The following PRICKLE1 variants were observed in gnomAD, a reference collection of about 807,000 sequenced individuals.
PRICKLE1 encodes prickle-like protein 1.
A neutral mutation model predicts 70.2 loss-of-function variants in PRICKLE1; 14 were observed. The ratio of observed to expected loss-of-function variants is 0.20; its 90% CI spans 0.13 to 0.31. PRICKLE1 has a LOEUF of 0.31. Ranked by LOEUF, PRICKLE1 falls within the 10% of genes least tolerant of loss-of-function variation. PRICKLE1 has a pLI of 1.00. For missense variants in PRICKLE1, 821 were observed against 1,026.2 expected (o/e 0.80, Z 2.73); for synonymous variants, 357 against 379.9 (o/e 0.94, Z 0.70).
At chr12:42,481,594 G>A (rs1938796303) in intron 1 of PRICKLE1, among the ~76,000 whole-genome samples, 1 of 152,162 alleles carries the variant, frequency 6.6e-6, no homozygotes, top group South Asian at 2.1e-4. Flanking sequence ...TGTTAACAAG[G>A]CCTTAGTGCA....
intron 1 of PRICKLE1, among the ~76,000 whole-genome samples, chr12:42,532,238 A>C (rs1276408604): frequency 6.6e-6 from 1 of 152,260 alleles, no homozygotes; most frequent in African/African-American, 2.4e-5. Flanking sequence ...AATCCTAAGG[A>C]AACAATCAGA....
intron 1 of PRICKLE1, among the ~76,000 whole-genome samples, chr12:42,521,541 A>G (rs1939708301): frequency 1.3e-5 from 2 of 151,950 alleles, no homozygotes; most frequent in Admixed American, 1.3e-4. Context: ...CTCTACAAAA[A>G]TTACAAAAAT....
rs1566084587 is a variant in PRICKLE1 at position 42,468,766 on chromosome 12, A to G, written c.448T>C (p.Cys150Arg). The change falls in exon 5 of 8, where the codon TGC becomes CGC. Residue 150 changes from cysteine (C) to arginine (R), a missense_variant. By Grantham distance (180) the Cys-to-Arg change is radical (BLOSUM62 -3). Transcript: ENST00000345127. Reference sequence around the variant, plus strand: ...CAGACAAAACAGGATGGGTGCCAGCACACACCAGGGCCCGCACGGGAGGCG... The same window carrying G: ...CAGACAAAACAGGATGGGTGCCAGCGCACACCAGGGCCCGCACGGGAGGCG... ...VFASRAGPGV[C>R]WHPSCFVCFT... 1.1e-5 allele frequency: 17 copies of G among 1,614,186 alleles called. No individual in the cohort carries two copies. Among genetic ancestry groups the G allele is most frequent in the Non-Finnish European group, 1.4e-5 (17 of 1,180,038 alleles).
At chr12:42,531,872 T>G (rs894775421) in intron 1 of PRICKLE1, among the ~76,000 whole-genome samples, 1 of 152,276 alleles carries the variant, frequency 6.6e-6, no homozygotes, top group African/African-American at 2.4e-5. Context: ...ATTTAAAAAT[T>G]TTTGCCCAGG....
intron 1 of PRICKLE1, among the ~76,000 whole-genome samples, chr12:42,526,757 A>C (rs1321174517): frequency 2.1e-5 from 1 of 48,288 alleles, no homozygotes; most frequent in East Asian, 1.2e-3. Flanking sequence ...CTAAGCCAAA[A>C]AAAAAAAAAA....
At chr12:42,565,729 CT>C (rs995215724) in intron 1 of PRICKLE1, among the ~76,000 whole-genome samples, 1 of 152,170 alleles carries the variant, frequency 6.6e-6, no homozygotes, top group African/African-American at 2.4e-5. Flanking sequence ...TCCCTACCTT[CT>C]TTTTCTCTTT....
At chr12:42,523,649 TA>T (rs1347228501) in intron 1 of PRICKLE1, among the ~76,000 whole-genome samples, 1 of 152,154 alleles carries the variant, frequency 6.6e-6, no homozygotes, top group East Asian at 1.9e-4. Flanking sequence ...ATGGGTGCAT[TA>T]AAGGGTAAAA....
In PRICKLE1 at chr12:42,472,585, A is replaced by C. The variant is rs780833626; in HGVS notation, c.-48-21T>G. ...GGCTGCTGTGAACAATATAAGAAAAAACAAAGACATCTAAAACCTGAATGC... is the reference window on the plus strand; with the variant it reads ...GGCTGCTGTGAACAATATAAGAAAACACAAAGACATCTAAAACCTGAATGC... On this transcript the variant is annotated intron_variant, in intron 1 of 7. Transcript: ENST00000345127. 5 of 1,598,592 alleles carry C rather than the reference A, an allele frequency of 3.1e-6. No homozygotes were observed. The Admixed American group carries it at 8.3e-5, about 27-fold the overall frequency.
rs574558181 is a variant in PRICKLE1 at position 42,464,218 on chromosome 12, G to A, written c.1639+177C>T. The stretch of plus-strand genomic sequence containing the variant: ...GTATTTTTAGTAGAGCCGCGGTTTC[G>A]CCATGTTGCCTGGGCTGGTCTCGAA... On this transcript the variant is annotated intron_variant, in intron 7 of 7. Coordinates refer to ENST00000345127, the MANE Select transcript of PRICKLE1 (RefSeq NM_153026.3). The surrounding 1 kb of genome is among the most constrained non-coding windows in gnomAD (Gnocchi z 4.2). Among the ~76,000 whole-genome samples the A allele has an allele frequency of 2.6e-5, 4 of 152,080 alleles. No individual in the cohort carries two copies. The East Asian group carries it at 7.8e-4, about 29-fold the overall frequency.
At chr12:42,467,737 C>T (rs922168608) in intron 5 of PRICKLE1, among the ~76,000 whole-genome samples, 3 of 151,992 alleles carry the variant, frequency 2.0e-5, no homozygotes, top group Non-Finnish European at 4.4e-5. Context: ...CAGAGAGCAA[C>T]TCCATCCCAA....
chr12:42,460,706 C>T, intron 7 of PRICKLE1, 41 bp from the exon 8 acceptor site: 1 of 1,599,108 alleles, frequency 6.3e-7, no homozygotes, highest in Non-Finnish European at 8.5e-7. Flanking sequence ...CTCAATCATC[C>T]TAATATTCGA....
intron 1 of PRICKLE1, among the ~76,000 whole-genome samples, chr12:42,539,411 T>G (rs1360176346): frequency 6.7e-6 from 1 of 150,148 alleles, no homozygotes; most frequent in Admixed American, 6.7e-5. Flanking sequence ...GAGCTTGCAG[T>G]GAGCTGAGAT....
intron 1 of PRICKLE1, among the ~76,000 whole-genome samples, chr12:42,475,008 C>T (rs959840407): frequency 6.6e-6 from 1 of 152,194 alleles, no homozygotes; most frequent in Non-Finnish European, 1.5e-5. Context: ...AGCTGTACTC[C>T]CTGATTAGCC....
chr12:42,517,726 C>G (rs1939636234), intron 1 of PRICKLE1, among the ~76,000 whole-genome samples: 1 of 152,004 alleles, frequency 6.6e-6, no homozygotes, highest in Admixed American at 6.6e-5. Flanking sequence ...TTAAGGACAC[C>G]CTACAACCCT....
At chr12:42,473,585 G>C (rs1241809246) in intron 1 of PRICKLE1, among the ~76,000 whole-genome samples, 1 of 152,210 alleles carries the variant, frequency 6.6e-6, no homozygotes, top group Non-Finnish European at 1.5e-5. Flanking sequence ...TTCAGAACCA[G>C]ATGGAGAGAT....
intron 1 of PRICKLE1, among the ~76,000 whole-genome samples, chr12:42,501,244 C>G (rs1396984257): frequency 6.6e-6 from 1 of 152,046 alleles, no homozygotes; most frequent in Non-Finnish European, 1.5e-5. Flanking sequence ...GTGGCTCATG[C>G]TTGTAATCAC....
intron 1 of PRICKLE1, among the ~76,000 whole-genome samples, chr12:42,557,246 A>G (rs762249767): frequency 1.3e-5 from 2 of 152,204 alleles, no homozygotes; most frequent in Non-Finnish European, 2.9e-5. Context: ...AGTTTATTCA[A>G]TACATAGGCA....
At chr12:42,532,385 A>G (rs185275408) in intron 1 of PRICKLE1, among the ~76,000 whole-genome samples, 48 of 152,350 alleles carry the variant, frequency 3.2e-4, no homozygotes, top group African/African-American at 1.2e-3. Flanking sequence ...ATAGAAAATT[A>G]TGCAGCTATA....
intron 1 of PRICKLE1, among the ~76,000 whole-genome samples, chr12:42,545,888 A>C (rs180911972): frequency 1.3e-5 from 2 of 150,638 alleles, no homozygotes; most frequent in Admixed American, 1.3e-4. Context: ...GGAAGGAAAA[A>C]TATATCCATA....
Sources: allele counts gnomAD v4.1 joint callset (sites outside exome capture counted in the v4.1 genomes callset), GRCh38; gene constraint gnomAD v4.1.1; non-coding constraint Gnocchi (gnomAD v3.1); transcripts MANE v1.5; gene names NCBI Gene and HGNC (gene_info 2026-07-23, HGNC 2026-07-21).